The following KHDRBS2 variants were observed in gnomAD, a reference collection of about 807,000 sequenced individuals.
The protein encoded by KHDRBS2 is KH RNA binding domain containing, signal transduction associated 2, also known as KH domain-containing, RNA-binding, signal transduction-associated protein 2.
A neutral mutation model predicts 44.3 loss-of-function variants in KHDRBS2; 26 were observed. The ratio of observed to expected loss-of-function variants is 0.59; its 90% confidence interval spans 0.43 to 0.81. The LOEUF is 0.81. Among genes scored for constraint, KHDRBS2 ranks in the 40% least tolerant of loss-of-function variants. The pLI, the probability that KHDRBS2 is intolerant of heterozygous loss-of-function variation, is 0.00. For missense variants in KHDRBS2, 476 were observed against 433.1 expected (o/e 1.10, Z -0.88); for synonymous variants, 194 against 151.1 (o/e 1.28, Z -2.08).
chr6:61,734,816 A>G (rs1255972044), intron 6 of KHDRBS2, among the ~76,000 whole-genome samples: 1 of 152,174 alleles, frequency 6.6e-6, no homozygotes, highest in Non-Finnish European at 1.5e-5. Flanking sequence ...ACTAGCAGTA[A>G]TATTTCTAAG....
chr6:61,553,299 T>A, the KHDRBS2 span, among the ~76,000 whole-genome samples: 7 of 152,138 alleles, frequency 4.6e-5, no homozygotes, highest in Non-Finnish European at 8.8e-5. Context: ...TAGAGGTATT[T>A]GTAGTAGTCT....
intron 1 of KHDRBS2, among the ~76,000 whole-genome samples, chr6:62,196,910 G>T (rs1337468547): frequency 6.6e-6 from 1 of 151,990 alleles, no homozygotes; most frequent in Admixed American, 6.6e-5. Context: ...CATAGGAAGC[G>T]CCCATAAAGC....
At chr6:61,650,428 G>A in the KHDRBS2 span, among the ~76,000 whole-genome samples, 1 of 149,606 alleles carries the variant, frequency 6.7e-6, no homozygotes, top group Non-Finnish European at 1.5e-5. Flanking sequence ...TTTTAATCAG[G>A]TGTCTAGTGC....
At chr6:61,858,323 A>G (rs1455568744) in intron 6 of KHDRBS2, among the ~76,000 whole-genome samples, 1 of 151,770 alleles carries the variant, frequency 6.6e-6, no homozygotes, top group African/African-American at 2.4e-5. Flanking sequence ...ACTCTTGAAG[A>G]GATATAATAC....
intron 1 of KHDRBS2, among the ~76,000 whole-genome samples, chr6:62,254,637 C>G (rs140151014): frequency 6.6e-6 from 1 of 151,890 alleles, no homozygotes; most frequent in African/African-American, 2.4e-5. Context: ...TTTAGTCAAG[C>G]AAGAAAGGAA....
chr6:61,693,822 A>G (rs997507258), intron 8 of KHDRBS2, among the ~76,000 whole-genome samples: 1 of 152,148 alleles, frequency 6.6e-6, no homozygotes, highest in Non-Finnish European at 1.5e-5. Context: ...AGAAAGTACA[A>G]TATAAGACTC....
chr6:62,222,855 T>C (rs570696419), intron 1 of KHDRBS2, among the ~76,000 whole-genome samples: 58 of 152,338 alleles, frequency 3.8e-4, no homozygotes, highest in African/African-American at 1.3e-3. Flanking sequence ...GGTGAGTTCC[T>C]ATGGTCTTAG....
chr6:61,682,553 G>A (rs1382332244), intron 8 of KHDRBS2, among the ~76,000 whole-genome samples: 1 of 151,856 alleles, frequency 6.6e-6, no homozygotes, highest in Non-Finnish European at 1.5e-5. Flanking sequence ...CAGGCATGCT[G>A]TTTATTTACA....
intron 4 of KHDRBS2, among the ~76,000 whole-genome samples, chr6:61,954,646 T>A (rs201137168): frequency 1.2e-5 from 1 of 80,144 alleles, no homozygotes; most frequent in African/African-American, 5.5e-5. Flanking sequence ...ACATACATAC[T>A]TATGTATACA....
chr6:62,124,620 C>G (rs1244595346), intron 2 of KHDRBS2, among the ~76,000 whole-genome samples: 1 of 149,928 alleles, frequency 6.7e-6, no homozygotes. Flanking sequence ...CACACACACA[C>G]CACCTTTATC....
At chr6:61,796,027 C>G (rs1785302632) in intron 6 of KHDRBS2, among the ~76,000 whole-genome samples, 1 of 151,992 alleles carries the variant, frequency 6.6e-6, no homozygotes. Flanking sequence ...TCACTTTTAA[C>G]TGAGTAATCT....
At chr6:62,132,777 C>A (rs1246985723) in intron 2 of KHDRBS2, among the ~76,000 whole-genome samples, 1 of 152,106 alleles carries the variant, frequency 6.6e-6, no homozygotes, top group South Asian at 2.1e-4. Context: ...TATCAGGTTT[C>A]TTATTCTCTT....
At chr6:62,077,547 A>C (rs925625630) in intron 2 of KHDRBS2, among the ~76,000 whole-genome samples, 1 of 152,014 alleles carries the variant, frequency 6.6e-6, no homozygotes, top group Non-Finnish European at 1.5e-5. Flanking sequence ...CACTCAGTCC[A>C]GTAAGATAGG....
intron 6 of KHDRBS2, among the ~76,000 whole-genome samples, chr6:61,817,526 G>A (rs1363555102): frequency 6.6e-6 from 1 of 152,024 alleles, no homozygotes; most frequent in Admixed American, 6.6e-5. Flanking sequence ...TCTAAAGAAA[G>A]TAAAATGCAT....
At chr6:62,074,477 C>T (rs934217399) in intron 2 of KHDRBS2, among the ~76,000 whole-genome samples, 4 of 151,802 alleles carry the variant, frequency 2.6e-5, no homozygotes, top group Middle Eastern at 3.2e-3. Flanking sequence ...TCCCGCCAAC[C>T]CTCACCTCTC....
intron 6 of KHDRBS2, among the ~76,000 whole-genome samples, chr6:61,772,036 C>T (rs1781009937): frequency 6.6e-6 from 1 of 152,266 alleles, no homozygotes; most frequent in Admixed American, 6.5e-5. Flanking sequence ...AACTGCTCAA[C>T]CACATGGAAA....
At chr6:62,174,531 T>C (rs1820711559) in intron 2 of KHDRBS2, among the ~76,000 whole-genome samples, 3 of 151,784 alleles carry the variant, frequency 2.0e-5, no homozygotes, top group Non-Finnish European at 4.4e-5. Context: ...TTTTTATAAA[T>C]TAAATTTTAA....
intron 2 of KHDRBS2, among the ~76,000 whole-genome samples, chr6:62,088,068 C>T (rs937561133): frequency 2.0e-5 from 3 of 152,184 alleles, no homozygotes; most frequent in Non-Finnish European, 4.4e-5. Context: ...CTTCTCTAAA[C>T]TGGTTATTCT....
At chr6:62,179,435 C>G (rs1821808394) in intron 1 of KHDRBS2, among the ~76,000 whole-genome samples, 1 of 151,690 alleles carries the variant, frequency 6.6e-6, no homozygotes, top group South Asian at 2.1e-4. Context: ...TTATTCCAAC[C>G]TTTCCATCCC....
Sources: gnomAD v4.1 joint callset for allele counts (sites outside exome capture counted in the v4.1 genomes callset) on GRCh38, gnomAD v4.1.1 for gene constraint, MANE v1.5 for transcripts, NCBI Gene and HGNC (gene_info 2026-07-23, HGNC 2026-07-21) for gene names.